NALCN: variants seen among roughly 807,000 people sequenced by gnomAD.
The protein encoded by NALCN is sodium leak channel, non-selective.
A neutral mutation model predicts 225.3 loss-of-function variants in NALCN; 111 were observed. The ratio of observed to expected loss-of-function variants is 0.49; its 90% CI spans 0.42 to 0.58. The LOEUF (loss-of-function observed/expected upper bound fraction) is 0.58. NALCN is among the 20% of genes least tolerant of loss of function. NALCN has a pLI of 0.00. For synonymous variants in NALCN, 764 were observed against 769.0 expected (o/e 0.99, Z 0.11); for missense variants, 1,378 against 2,202.4 (o/e 0.63, Z 7.49).
In NALCN at chr13:101,388,421, A is replaced by C. The variant is rs551247232; in HGVS notation, c.291+6762T>G. Among the ~76,000 whole-genome samples, 281 of 146,386 alleles carry C rather than the reference A, an allele frequency of 1.9e-3. 1 individual carries two copies. The highest frequency in any genetic ancestry group is 2.6e-3 in the Non-Finnish European group (174 of 67,010). On this transcript the variant is annotated intron_variant, in intron 3 of 43. Coordinates refer to ENST00000251127, the MANE Select transcript of NALCN (RefSeq NM_052867.4). ...TAAATTTCACCTCTTACAGATTGAA[A>C]ATAAAAAAAAAAATTTTGGTTGTAG...
intron 31 of NALCN, 119 bp from the exon 32 acceptor site, chr13:101,083,317 C>A: frequency 1.2e-6 from 1 of 842,954 alleles, no homozygotes; most frequent in Non-Finnish European, 1.8e-6. Context: ...CAAACAGTTC[C>A]GTCTATTGTG....
chr13:101,139,848 AT>A (rs2036981562), intron 17 of NALCN, among the ~76,000 whole-genome samples: 1 of 152,190 alleles, frequency 6.6e-6, no homozygotes, highest in African/African-American at 2.4e-5. Context: ...CATAATACAA[AT>A]GCCAGAATGC....
At chr13:101,385,498 T>C (rs553102510) in intron 3 of NALCN, among the ~76,000 whole-genome samples, 1 of 152,304 alleles carries the variant, frequency 6.6e-6, no homozygotes, top group East Asian at 1.9e-4. Flanking sequence ...TTGCTATTTA[T>C]ATCTGCAAAA....
intron 7 of NALCN, among the ~76,000 whole-genome samples, chr13:101,321,996 AT>A (rs2044761907): frequency 6.6e-6 from 1 of 152,186 alleles, no homozygotes; most frequent in Non-Finnish European, 1.5e-5. Flanking sequence ...GACACTCTTT[AT>A]TACTAAAGTT....
chr13:101,118,847 C>G (rs1441779905), intron 18 of NALCN, among the ~76,000 whole-genome samples: 1 of 152,184 alleles, frequency 6.6e-6, no homozygotes, highest in Non-Finnish European at 1.5e-5. Flanking sequence ...AGTCCAGCAC[C>G]TTCCCTTTCC....
chr13:101,415,902 G>T (rs566191279), intron 1 of NALCN, among the ~76,000 whole-genome samples: 1 of 152,208 alleles, frequency 6.6e-6, no homozygotes, highest in East Asian at 1.9e-4. Flanking sequence ...GATGCCCAGT[G>T]GCCTCGTCCT....
chr13:101,124,572 T>G (rs1160467382), intron 18 of NALCN, 36 bp downstream of exon 18: 1 of 1,549,750 alleles, frequency 6.5e-7, no homozygotes, highest in African/African-American at 1.4e-5. Flanking sequence ...TAATCCCACT[T>G]GTGTTTAAAT....
intron 6 of NALCN, among the ~76,000 whole-genome samples, chr13:101,368,237 A>T (rs2046436067): frequency 6.9e-6 from 1 of 145,858 alleles, no homozygotes; most frequent in Non-Finnish European, 1.5e-5. Flanking sequence ...CCCACCTATG[A>T]GTGAGAATAT....
chr13:101,082,870 T>A lies in NALCN; in HGVS notation c.3704A>T (p.Asp1235Val). 6.2e-7 allele frequency: 1 copy of A among 1,614,092 alleles called. No individual in the cohort carries two copies. The highest frequency in any genetic ancestry group is 1.3e-5 in the African/African-American group (1 of 75,018). ...TGTTGCCAAAGGTACGGTCACCGGGTCCTCGACGTCCCACTGCAACAGAAA... is the reference window on the plus strand; with the variant it reads ...TGTTGCCAAAGGTACGGTCACCGGGACCTCGACGTCCCACTGCAACAGAAA... Reference protein sequence around the residue: ...VLLSVKWDVEDPVTVPLATMS... With the variant: ...VLLSVKWDVEVPVTVPLATMS... Residue 1235 changes from aspartate to valine, a missense_variant, in exon 33 of 44, where the codon GAC becomes GTC. Asp to Val is a radical substitution (Grantham distance 152). This residue lies in a region of NALCN where 98 missense variants were observed against 156.6 expected (regional missense o/e 0.63). Transcript: ENST00000251127.
At chr13:101,397,097 T>TATATAC (rs1326543606) in intron 2 of NALCN, among the ~76,000 whole-genome samples, 1 of 68,624 alleles carries the variant, frequency 1.5e-5, no homozygotes, top group Non-Finnish European at 2.3e-5. Context: ...TATATATATA[T>TATATAC]ATATATATAT....
At chr13:101,058,462 G>A in intron 42 of NALCN, 1 of 179,412 alleles carries the variant, frequency 5.6e-6, no homozygotes, top group Non-Finnish European at 1.2e-5. Flanking sequence ...TCCACACTTA[G>A]AGCTTCAGGG....
chr13:101,252,151 A>G (rs917590827), intron 11 of NALCN, among the ~76,000 whole-genome samples: 3 of 152,210 alleles, frequency 2.0e-5, no homozygotes, highest in African/African-American at 7.2e-5. Flanking sequence ...TTCTAAGAGT[A>G]GAAAGAGGTC....
At chr13:101,261,463 T>C (rs1442294454) in intron 10 of NALCN, among the ~76,000 whole-genome samples, 1 of 152,216 alleles carries the variant, frequency 6.6e-6, no homozygotes, top group African/African-American at 2.4e-5. Context: ...TTTAACAATA[T>C]TGATTCTTCC....
chr13:101,278,840 T>C (rs951575297), intron 10 of NALCN, among the ~76,000 whole-genome samples: 3 of 152,192 alleles, frequency 2.0e-5, no homozygotes, highest in Admixed American at 1.3e-4. Context: ...GAAATAAGTG[T>C]TCTGTATGGA....
At chr13:101,251,886 C>T (rs1247949336) in intron 11 of NALCN, among the ~76,000 whole-genome samples, 1 of 152,174 alleles carries the variant, frequency 6.6e-6, no homozygotes, top group African/African-American at 2.4e-5. Context: ...GACTCATTCC[C>T]TCCGACAAGA....
At chr13:101,305,722 A>G (rs543248731) in intron 7 of NALCN, among the ~76,000 whole-genome samples, 14 of 152,326 alleles carry the variant, frequency 9.2e-5, no homozygotes, top group African/African-American at 3.4e-4. Context: ...TTTATTGGAA[A>G]AATGCAGTAT....
intron 17 of NALCN, among the ~76,000 whole-genome samples, chr13:101,140,167 T>C (rs1394559363): frequency 6.6e-6 from 1 of 152,214 alleles, no homozygotes; most frequent in Non-Finnish European, 1.5e-5. Context: ...GTTTTTGACA[T>C]TCCACTTTCC....
At chr13:101,401,875 A>AAATGC (rs2047488281) in intron 1 of NALCN, among the ~76,000 whole-genome samples, 1 of 152,226 alleles carries the variant, frequency 6.6e-6, no homozygotes, top group South Asian at 2.1e-4. Context: ...ACTATTAAAT[A>AAATGC]TTATATAAAG....
Position 101,345,676 on chromosome 13 carries a change from T to TTCTATCTATCTA in NALCN, c.645-268_645-257dup, listed in dbSNP as rs71676800. Among the ~76,000 whole-genome samples, 63 of 127,928 alleles carry TTCTATCTATCTA rather than the reference T, an allele frequency of 4.9e-4. 1 individual carries two copies. Among genetic ancestry groups the TTCTATCTATCTA allele is most frequent in the African/African-American group, 1.4e-3 (44 of 31,410 alleles). The allele number at this position is 127,928 out of a possible 152,430, so 83.9% of individuals were successfully genotyped here. On this transcript the variant is annotated intron_variant, in intron 6 of 43. Transcript: ENST00000251127. Reference sequence around the variant, plus strand: ...CAAGACCTTGAGAGACCTTTGCTCTTTCTATCTATCTATCTATCTATCTAT... The same window carrying TTCTATCTATCTA: ...CAAGACCTTGAGAGACCTTTGCTCTTTCTATCTATCTATCTATCTATCTATCTATCTATCTAT...
Sources: allele counts gnomAD v4.1 joint callset (sites outside exome capture counted in the v4.1 genomes callset), GRCh38; gene constraint gnomAD v4.1.1; regional missense constraint gnomAD v4.1.1; transcripts MANE v1.5; gene names NCBI Gene and HGNC (gene_info 2026-07-23, HGNC 2026-07-21).